The following CERS4 variants were observed in gnomAD, a reference collection of about 807,000 sequenced individuals.
The protein encoded by CERS4 is LAG1 homolog, ceramide synthase 4.
A neutral mutation model predicts 51.8 loss-of-function variants in CERS4; 65 were observed. That is an observed-to-expected ratio of 1.26 (90% CI 1.03 to 1.54). CERS4 has a LOEUF of 1.54. Among genes scored for constraint, CERS4 ranks in the 40% most tolerant of loss-of-function variants. The probability of loss-of-function intolerance (pLI) is 0.00; values close to 1 mark genes in which losing one functional copy is unlikely to be tolerated. For synonymous variants in CERS4, 228 were observed against 208.4 expected (o/e 1.09, Z -0.81); for missense variants, 563 against 500.4 (o/e 1.13, Z -1.19).
intron 2 of CERS4, among the ~76,000 whole-genome samples, chr19:8,237,460 C>A (rs1031032992): frequency 6.6e-6 from 1 of 151,950 alleles, no homozygotes; most frequent in Non-Finnish European, 1.5e-5. Flanking sequence ...GAGGCTGCGG[C>A]AAGAGGATCA....
chr19:8,259,808 A>G (rs752137928), intron 10 of CERS4, among the ~76,000 whole-genome samples: 16 of 152,174 alleles, frequency 1.1e-4, no homozygotes, highest in Non-Finnish European at 2.1e-4. Context: ...TGGTATTTGC[A>G]GCCAGCAGCC....
At chr19:8,227,091 G>A (rs1371877652) in intron 2 of CERS4, among the ~76,000 whole-genome samples, 2 of 152,014 alleles carry the variant, frequency 1.3e-5, no homozygotes, top group Non-Finnish European at 2.9e-5. Context: ...TTGCACCATT[G>A]CACTCCAGCC....
chr19:8,213,470 TA>T (rs1051729057), intron 2 of CERS4, among the ~76,000 whole-genome samples: 15 of 151,760 alleles, frequency 9.9e-5, no homozygotes, highest in African/African-American at 2.9e-4. Context: ...AGCTAATCCT[TA>T]AAAAAAAATT....
At chr19:8,247,080 T>C (rs889741113) in intron 2 of CERS4, among the ~76,000 whole-genome samples, 2 of 152,172 alleles carry the variant, frequency 1.3e-5, no homozygotes, top group African/African-American at 4.8e-5. Context: ...GCACGAGAAT[T>C]GCTTGAACCC....
chr19:8,237,990 C>A (rs1328487711), intron 2 of CERS4, among the ~76,000 whole-genome samples: 1 of 152,140 alleles, frequency 6.6e-6, no homozygotes, highest in Non-Finnish European at 1.5e-5. Flanking sequence ...CACACTCCCA[C>A]GTGTATACTT....
At chr19:8,240,799 T>C (rs2145246783) in intron 2 of CERS4, among the ~76,000 whole-genome samples, 1 of 152,208 alleles carries the variant, frequency 6.6e-6, no homozygotes, top group Admixed American at 6.5e-5. Context: ...AACCAGTCCT[T>C]CTCACTCAGA....
intron 2 of CERS4, among the ~76,000 whole-genome samples, chr19:8,248,615 G>C (rs1477291275): frequency 6.6e-6 from 1 of 151,950 alleles, no homozygotes; most frequent in South Asian, 2.1e-4. Flanking sequence ...GTGGATGGAT[G>C]ATGGGCAGGT....
In CERS4 at chr19:8,256,289, G is replaced by C. The variant is rs1257992040; in HGVS notation, c.519+3G>C. On this transcript the variant is annotated splice_donor_region_variant and intron_variant, in intron 7 of 11. Coordinates refer to ENST00000251363, the MANE Select transcript of CERS4 (RefSeq NM_024552.3). Reference sequence around the variant, plus strand: ...GCTGGGACAGGTACCCAAACCAGGTGAGTGGCAGAGTGTGTGTGAATGCTT... The same window carrying C: ...GCTGGGACAGGTACCCAAACCAGGTCAGTGGCAGAGTGTGTGTGAATGCTT... 1 of 1,613,476 alleles carries C rather than the reference G, an allele frequency of 6.2e-7. No homozygotes were observed. The highest frequency in any genetic ancestry group is 8.5e-7 in the Non-Finnish European group (1 of 1,179,796).
chr19:8,216,381 A>AAAAAAG (rs545425137), intron 2 of CERS4, among the ~76,000 whole-genome samples: 2 of 122,088 alleles, frequency 1.6e-5, no homozygotes, highest in African/African-American at 6.5e-5. Context: ...TTTGTCTTGG[A>AAAAAAG]AAAAAAAAAA....
At position 8,262,084 on chromosome 19, in the gene CERS4, C is replaced by T. The variant is rs1969739933; in HGVS notation, c.1160C>T (p.Thr387Ile). 2 of 1,512,048 alleles carry T rather than the reference C, an allele frequency of 1.3e-6. No homozygotes were observed. The highest frequency in any genetic ancestry group is 2.7e-5 in the South Asian group (2 of 74,940). The allele number at this position is 1,512,048 out of a possible 1,614,324, so 93.7% of individuals were successfully genotyped here. A position where few individuals can be genotyped will look rare whatever the true frequency, so the allele number is the denominator to read the frequency against. Reference sequence around the variant, plus strand: ...CGGAGCCGGGTGGCCGGGCGTCTGACCAACAGGCACACAACAGCCACATAG... The same window carrying T: ...CGGAGCCGGGTGGCCGGGCGTCTGATCAACAGGCACACAACAGCCACATAG... ...GPRSRVAGRL[T>I]NRHTTAT is the part of the protein sequence containing the mutation. The change falls in exon 12 of 12, where the codon ACC (threonine) becomes ATC (isoleucine). Residue 387 changes from threonine to isoleucine, a missense_variant. Physicochemically the swap from Thr to Ile is moderately conservative, Grantham distance 89. Coordinates refer to ENST00000251363, the MANE Select transcript of CERS4 (RefSeq NM_024552.3).
At chr19:8,243,220 A>C (rs1031566890) in intron 2 of CERS4, among the ~76,000 whole-genome samples, 5 of 141,690 alleles carry the variant, frequency 3.5e-5, no homozygotes, top group Non-Finnish European at 7.5e-5. Flanking sequence ...AAAAAAAAAA[A>C]AAATAGGGGA....
At chr19:8,256,183 G>A (rs979274436) in intron 6 of CERS4, 53 bp from the exon 7 acceptor site, 2 of 1,565,856 alleles carry the variant, frequency 1.3e-6, no homozygotes, top group Non-Finnish European at 1.7e-6. Flanking sequence ...GCAGACCCAG[G>A]GTGGGAGGTT....
intron 2 of CERS4, among the ~76,000 whole-genome samples, chr19:8,249,221 A>G (rs1885534084): frequency 6.6e-6 from 1 of 150,930 alleles, no homozygotes; most frequent in African/African-American, 2.4e-5. Context: ...TGGATGGATG[A>G]TGGGTGGGTG....
chr19:8,248,182 T>G (rs1348017477), intron 2 of CERS4, among the ~76,000 whole-genome samples: 1 of 152,232 alleles, frequency 6.6e-6, no homozygotes, highest in Non-Finnish European at 1.5e-5. Flanking sequence ...ACTTGTTTAT[T>G]GGCTGCCTTC....
chr19:8,244,429 A>G lies in CERS4; in HGVS notation c.-1-6647A>G, dbSNP rs370036674. On this transcript the variant is annotated intron_variant, in intron 2 of 11. Transcript: ENST00000251363. ...ATTAACTAAAATCATCATGATGTAC[A>G]GATCTCTTGGACTTACTACTGCTGC... Among the ~76,000 whole-genome samples the G allele has an allele frequency of 1.2e-4, 18 of 152,332 alleles. No homozygotes were observed. The East Asian group carries it at 3.3e-3, about 28-fold the overall frequency.
chr19:8,255,547 G>T, intron 4 of CERS4, 60 bp from the exon 5 acceptor site: 1 of 1,457,240 alleles, frequency 6.9e-7, no homozygotes, highest in Non-Finnish European at 9.4e-7. Context: ...CCTGTCTGGG[G>T]ACATGGGGGA....
intron 7 of CERS4, 114 bp from the exon 8 acceptor site, chr19:8,256,504 C>T (rs2066841040): frequency 9.1e-7 from 1 of 1,094,094 alleles, no homozygotes; most frequent in Non-Finnish European, 1.3e-6. Flanking sequence ...GGGGAGCTCA[C>T]TCATTGGGAT....
In CERS4 at chr19:8,241,640, C is replaced by T. The variant is rs577069013; in HGVS notation, c.-1-9436C>T. Among the ~76,000 whole-genome samples, 337 of 152,234 alleles carry T rather than the reference C, an allele frequency of 2.2e-3. 2 individuals are homozygous for T. Among genetic ancestry groups the T allele is most frequent in the African/African-American group, 7.5e-3 (313 of 41,532 alleles). On this transcript the variant is annotated intron_variant, in intron 2 of 11. Coordinates refer to ENST00000251363, the MANE Select transcript of CERS4 (RefSeq NM_024552.3). Reference sequence around the variant, plus strand: ...GCTCACTCCACCTCAGGTGCCATTCCGAACCACTCCATGTGGAAGAGGGGC... The same window carrying T: ...GCTCACTCCACCTCAGGTGCCATTCTGAACCACTCCATGTGGAAGAGGGGC...
rs796867223 is a variant in CERS4 at position 8,245,114 on chromosome 19, A to AAAACAAAACAAAACAAACAAAAAC, written c.-1-5959_-1-5958insCAAAACAAAACAAACAAAAACAAA. On this transcript the variant is annotated intron_variant, in intron 2 of 11. Coordinates refer to ENST00000251363, the MANE Select transcript of CERS4 (RefSeq NM_024552.3). ...GCGACCGAGCGAGACTCCATCTCAA[A>AAAACAAAACAAAACAAACAAAAAC]AAAAAAAAAAAAAAAAAAAAACACT... Among the ~76,000 whole-genome samples the AAAACAAAACAAAACAAACAAAAAC allele has an allele frequency of 6.6e-5, 3 of 45,166 alleles. 1 individual carries two copies. Among genetic ancestry groups the AAAACAAAACAAAACAAACAAAAAC allele is most frequent in the Non-Finnish European group, 4.4e-5 (1 of 22,766 alleles). 29.6% of individuals were successfully genotyped at this position (45,166 alleles called of 152,430 possible).
Sources: allele counts gnomAD v4.1 joint callset (sites outside exome capture counted in the v4.1 genomes callset), GRCh38; gene constraint gnomAD v4.1.1; transcripts MANE v1.5; gene names NCBI Gene and HGNC (gene_info 2026-07-23, HGNC 2026-07-21).